PPFIA2: variants seen among roughly 807,000 people sequenced by gnomAD.
The protein encoded by PPFIA2 is liprin-alpha-2.
In PPFIA2, 46 loss-of-function variants were observed where a neutral mutation model predicts 175.5. The observed-to-expected ratio is 0.26, with a 90% confidence interval of 0.21 to 0.34. The LOEUF (loss-of-function observed/expected upper bound fraction) is 0.34, where lower values mean the gene tolerates loss of function less well. Ranked by LOEUF, PPFIA2 falls within the 10% of genes least tolerant of loss-of-function variation. PPFIA2 has a pLI of 1.00. For synonymous variants in PPFIA2, 568 were observed against 511.4 expected (o/e 1.11, Z -1.49); for missense variants, 1,179 against 1,506.1 (o/e 0.78, Z 3.60).
intron 4 of PPFIA2, among the ~76,000 whole-genome samples, chr12:81,630,732 A>C (rs1393726751): frequency 1.3e-5 from 2 of 152,222 alleles, no homozygotes; most frequent in East Asian, 1.9e-4. Context: ...ATAAAGGCTA[A>C]TTTCTACGGT....
intron 8 of PPFIA2, 94 bp downstream of exon 8, chr12:81,405,693 C>T: frequency 2.8e-6 from 2 of 704,702 alleles, no homozygotes; most frequent in East Asian, 5.8e-5. Context: ...TCAACAAATA[C>T]TAAAAAAATG....
intron 4 of PPFIA2, among the ~76,000 whole-genome samples, chr12:81,636,649 G>C (rs1007815702): frequency 6.6e-6 from 1 of 151,492 alleles, no homozygotes; most frequent in African/African-American, 2.4e-5. Context: ...ATGAAATTTT[G>C]GTTTGTTTTG....
At chr12:81,567,431 G>T (rs1233485117) in intron 4 of PPFIA2, among the ~76,000 whole-genome samples, 1 of 152,124 alleles carries the variant, frequency 6.6e-6, no homozygotes, top group African/African-American at 2.4e-5. Context: ...AATGACTTAT[G>T]CTGGGCCTTT....
chr12:81,569,886 G>T (rs1465242267), intron 4 of PPFIA2, among the ~76,000 whole-genome samples: 4 of 151,946 alleles, frequency 2.6e-5, no homozygotes. Flanking sequence ...ACCATCCAAG[G>T]TTACAAAGCT....
At chr12:81,442,612 G>A (rs1278218657) in intron 6 of PPFIA2, among the ~76,000 whole-genome samples, 2 of 151,170 alleles carry the variant, frequency 1.3e-5, no homozygotes, top group Admixed American at 6.6e-5. Context: ...ATATATTGTA[G>A]AGTAATTTCA....
At chr12:81,438,139 T>A (rs542941436) in intron 7 of PPFIA2, among the ~76,000 whole-genome samples, 25 of 152,172 alleles carry the variant, frequency 1.6e-4, no homozygotes, top group Admixed American at 1.6e-3. Context: ...AAGAAAAGCA[T>A]ATATACACTC....
At chr12:81,725,523 G>GA (rs1198883586) in intron 3 of PPFIA2, among the ~76,000 whole-genome samples, 1 of 150,250 alleles carries the variant, frequency 6.7e-6, no homozygotes, top group Non-Finnish European at 1.5e-5. Context: ...GAGTTCTCAG[G>GA]AAAAAATTAG....
chr12:81,358,981 G>A (rs1196159593), intron 15 of PPFIA2, among the ~76,000 whole-genome samples: 1 of 151,954 alleles, frequency 6.6e-6, no homozygotes, highest in Non-Finnish European at 1.5e-5. Context: ...TGGTAATAAA[G>A]TACCCTATAA....
At chr12:81,362,359 A>G (rs2031120094) in intron 15 of PPFIA2, among the ~76,000 whole-genome samples, 1 of 151,354 alleles carries the variant, frequency 6.6e-6, no homozygotes, top group South Asian at 2.1e-4. Context: ...ATATAAAGAG[A>G]AGGGCTGACG....
intron 3 of PPFIA2, among the ~76,000 whole-genome samples, chr12:81,724,811 A>G (rs934015265): frequency 1.3e-5 from 2 of 150,948 alleles, no homozygotes; most frequent in African/African-American, 4.8e-5. Flanking sequence ...GTGTTTTTTG[A>G]TATAATGATT....
At chr12:81,391,561 G>A (rs771734417) in intron 8 of PPFIA2, among the ~76,000 whole-genome samples, 6 of 151,844 alleles carry the variant, frequency 4.0e-5, no homozygotes, top group South Asian at 2.1e-4. Flanking sequence ...TCACAAACCC[G>A]GTAATTCAGA....
chr12:81,290,317 T>A (rs1208982328), intron 24 of PPFIA2, among the ~76,000 whole-genome samples: 2 of 151,768 alleles, frequency 1.3e-5, no homozygotes, highest in Admixed American at 6.6e-5. Context: ...TAATGTTAGG[T>A]TATGACTTTA....
At chr12:81,430,768 G>A (rs1437575371) in intron 7 of PPFIA2, 2 of 152,070 alleles carry the variant, frequency 1.3e-5, no homozygotes, top group Non-Finnish European at 2.9e-5. Context: ...AAAGGATTTG[G>A]GGGATGATTA....
At chr12:81,275,354 C>T (rs1011584943) in intron 28 of PPFIA2, among the ~76,000 whole-genome samples, 2 of 152,200 alleles carry the variant, frequency 1.3e-5, no homozygotes, top group African/African-American at 2.4e-5. Flanking sequence ...TCCGATGAGA[C>T]GTACGTAGAA....
At chr12:81,648,320 G>C (rs2066477300) in intron 4 of PPFIA2, among the ~76,000 whole-genome samples, 1 of 151,824 alleles carries the variant, frequency 6.6e-6, no homozygotes, top group African/African-American at 2.4e-5. Flanking sequence ...ACACAACAAA[G>C]TATAAAATTT....
Position 81,414,620 on chromosome 12 carries a change from T to C in PPFIA2, c.646-8717A>G, listed in dbSNP as rs191039795. 1.4e-3 allele frequency among the ~76,000 whole-genome samples: 212 copies of C among 151,776 alleles called. 1 individual carries two copies. The highest frequency in any genetic ancestry group is 4.8e-3 in the African/African-American group (199 of 41,522). Reference sequence around the variant, plus strand: ...AACAAAGATTCTTTTCATCTATTTTTATCCCAAATTCAATTAACAATTCCC... The same window carrying C: ...AACAAAGATTCTTTTCATCTATTTTCATCCCAAATTCAATTAACAATTCCC... On this transcript the variant is annotated intron_variant, in intron 7 of 32. Coordinates refer to ENST00000549396, the MANE Select transcript of PPFIA2 (RefSeq NM_003625.5).
intron 4 of PPFIA2, among the ~76,000 whole-genome samples, chr12:81,517,152 A>G (rs1237963827): frequency 3.9e-5 from 5 of 127,802 alleles, no homozygotes; most frequent in Non-Finnish European, 7.9e-5. Flanking sequence ...TCAGAGCTCT[A>G]GTAGAAGACA....
chr12:81,696,866 T>C (rs950470816), intron 3 of PPFIA2, among the ~76,000 whole-genome samples: 2 of 151,924 alleles, frequency 1.3e-5, no homozygotes, highest in African/African-American at 4.8e-5. Flanking sequence ...CGCTACTAGA[T>C]GAAAAGATAT....
intron 4 of PPFIA2, among the ~76,000 whole-genome samples, chr12:81,655,867 G>A (rs1045181037): frequency 6.6e-6 from 1 of 151,880 alleles, no homozygotes; most frequent in African/African-American, 2.4e-5. Context: ...AAAATAAAAT[G>A]TTCTACCATG....
Sources: gnomAD v4.1 joint callset for allele counts (sites outside exome capture counted in the v4.1 genomes callset) on GRCh38, gnomAD v4.1.1 for gene constraint, MANE v1.5 for transcripts, NCBI Gene and HGNC (gene_info 2026-07-23, HGNC 2026-07-21) for gene names.